Variants in CEP89 observed in about 807,000 individuals in gnomAD.
CEP89 encodes centrosomal protein of 89 kDa.
Under a neutral mutation model 97.6 loss-of-function variants are expected in CEP89, and 95 were observed. That is an observed-to-expected ratio of 0.97 (90% CI 0.82 to 1.15). The LOEUF is 1.15. Ranked by LOEUF, CEP89 falls within the 50% of genes most tolerant of loss-of-function variation. The pLI is 0.00. For synonymous variants in CEP89, 354 were observed against 349.1 expected (o/e 1.01, Z -0.16); for missense variants, 869 against 947.7 (o/e 0.92, Z 1.09).
At chr19:32,914,658 C>T (rs917187485) in intron 14 of CEP89, among the ~76,000 whole-genome samples, 2 of 152,054 alleles carry the variant, frequency 1.3e-5, no homozygotes, top group African/African-American at 4.8e-5. Context: ...ACCCAAAGTG[C>T]AGACTGCAGC....
At chr19:32,932,119 C>T (rs924614889) in intron 8 of CEP89, among the ~76,000 whole-genome samples, 7 of 150,562 alleles carry the variant, frequency 4.6e-5, no homozygotes, top group Admixed American at 6.6e-5. Flanking sequence ...GGGTGGAGCT[C>T]GCAGTGAGCC....
chr19:32,964,471 C>G (rs531268470), intron 2 of CEP89, among the ~76,000 whole-genome samples: 2 of 152,242 alleles, frequency 1.3e-5, no homozygotes, highest in African/African-American at 4.8e-5. Flanking sequence ...CACACTCAGC[C>G]AGTGTGTAAA....
intron 3 of CEP89, among the ~76,000 whole-genome samples, chr19:32,957,499 T>C (rs1327569488): frequency 6.6e-6 from 1 of 151,788 alleles, no homozygotes; most frequent in Non-Finnish European, 1.5e-5. Context: ...AAACCCTGTC[T>C]CTACAAAATA....
chr19:32,905,070 C>A (rs1217033363), intron 14 of CEP89, among the ~76,000 whole-genome samples: 3 of 152,064 alleles, frequency 2.0e-5, no homozygotes, highest in African/African-American at 7.2e-5. Context: ...TTTCCCAAAC[C>A]TTCTAAGTTT....
chr19:32,940,846 C>A (rs1157031101), intron 5 of CEP89, among the ~76,000 whole-genome samples: 2 of 152,054 alleles, frequency 1.3e-5, no homozygotes, highest in South Asian at 4.2e-4. Flanking sequence ...CTGCACCCTC[C>A]GCCTCCCAGG....
At chr19:32,943,968 C>T (rs564935793) in intron 5 of CEP89, among the ~76,000 whole-genome samples, 1 of 152,246 alleles carries the variant, frequency 6.6e-6, no homozygotes, top group African/African-American at 2.4e-5. Context: ...TGTCTCATGC[C>T]TGTAATCCCA....
chr19:32,933,326 A>G, intron 8 of CEP89, 125 bp downstream of exon 8: 2 of 786,432 alleles, frequency 2.5e-6, no homozygotes, highest in South Asian at 3.5e-5. Flanking sequence ...GATATTAACA[A>G]AAAAACCTGA....
chr19:32,882,306 T>C (rs1239307343), intron 17 of CEP89, among the ~76,000 whole-genome samples: 3 of 152,182 alleles, frequency 2.0e-5, no homozygotes, highest in Non-Finnish European at 4.4e-5. Context: ...TTCATGCTTC[T>C]AATTTCAGCA....
At chr19:32,894,686 A>C (rs1969603746) in intron 16 of CEP89, among the ~76,000 whole-genome samples, 1 of 152,220 alleles carries the variant, frequency 6.6e-6, no homozygotes, top group African/African-American at 2.4e-5. Context: ...GAGTGCATGC[A>C]CCAACCATAG....
At chr19:32,952,475 C>A (rs12973891) in intron 4 of CEP89, among the ~76,000 whole-genome samples, 19,620 of 142,492 alleles carry the variant, frequency 0.14, 1,335 homozygotes, top group East Asian at 0.3. Flanking sequence ...GAGACCCCAT[C>A]TCAATTTAAA....
intron 8 of CEP89, among the ~76,000 whole-genome samples, chr19:32,932,038 G>A (rs192565634): frequency 3.7e-4 from 56 of 152,144 alleles, no homozygotes; most frequent in African/African-American, 1.1e-3. Context: ...AAAATTAGCC[G>A]GGCGTAATGG....
intron 5 of CEP89, among the ~76,000 whole-genome samples, chr19:32,947,873 T>G (rs1427794744): frequency 6.6e-6 from 1 of 152,160 alleles, no homozygotes; most frequent in Non-Finnish European, 1.5e-5. Context: ...CAATCATGGC[T>G]TGCTGCAGCC....
intron 6 of CEP89, among the ~76,000 whole-genome samples, chr19:32,938,700 G>C (rs1482328857): frequency 3.3e-5 from 5 of 152,286 alleles, no homozygotes; most frequent in Admixed American, 3.3e-4. Flanking sequence ...CGTAATCCCA[G>C]CACTTTAGGA....
In CEP89 at chr19:32,887,657, G is replaced by A. The variant is rs75149806; in HGVS notation, c.1965+95C>T. On this transcript the variant is annotated intron_variant, in intron 17 of 18. Transcript: ENST00000305768. ...TCTGTGGACTATTAGTGATGCACAT[G>A]CAAAAGGTGTCATTTTCTTAAACAC... 2.6e-3 allele frequency: 1,979 copies of A among 747,550 alleles called. 32 individuals are homozygous for A. In the African/African-American group the frequency reaches 0.03, roughly 11 times the overall value. 46.3% of individuals were successfully genotyped at this position (747,550 alleles called of 1,614,324 possible).
chr19:32,906,191 G>A (rs765818419), intron 14 of CEP89, among the ~76,000 whole-genome samples: 26 of 152,120 alleles, frequency 1.7e-4, no homozygotes, highest in Non-Finnish European at 2.9e-4. Flanking sequence ...TCCATTTAGC[G>A]TATCTACTGC....
intron 14 of CEP89, among the ~76,000 whole-genome samples, chr19:32,907,958 T>A (rs1479763528): frequency 6.6e-6 from 1 of 152,234 alleles, no homozygotes; most frequent in Non-Finnish European, 1.5e-5. Context: ...CACAAATACT[T>A]ACCATTGGTT....
chr19:32,962,544 T>C (rs919378771), intron 2 of CEP89, among the ~76,000 whole-genome samples: 4 of 152,324 alleles, frequency 2.6e-5, no homozygotes, highest in South Asian at 2.1e-4. Context: ...AAAACCTTTG[T>C]GACCTTAGGT....
chr19:32,925,506 T>TTCC (rs1555791794), intron 11 of CEP89, among the ~76,000 whole-genome samples: 5 of 128,584 alleles, frequency 3.9e-5, no homozygotes, highest in Admixed American at 7.9e-5. Flanking sequence ...TTTTTTTTTT[T>TTCC]CGAGACGGAG....
rs554051288 is a variant in CEP89 at position 32,879,467 on chromosome 19, A to C, written c.2136-89T>G. ...AAGTAGCAAGAACTCAAAACAGAAG[A>C]ACGCTATCAGCAGGGAACAGAGCCC... On this transcript the variant is annotated intron_variant, in intron 18 of 18. Transcript: ENST00000305768. The C allele has an allele frequency of 3.7e-6, 4 of 1,095,240 alleles. No individual in the cohort carries two copies. In the African/African-American group the frequency reaches 6.2e-5, roughly 17 times the overall value. 67.8% of individuals were successfully genotyped at this position (1,095,240 alleles called of 1,614,324 possible).
Sources: allele counts gnomAD v4.1 joint callset (sites outside exome capture counted in the v4.1 genomes callset), GRCh38; gene constraint gnomAD v4.1.1; transcripts MANE v1.5; gene names NCBI Gene and HGNC (gene_info 2026-07-23, HGNC 2026-07-21).